The following CRPPA variants were observed in gnomAD, a reference collection of about 807,000 sequenced individuals.
CRPPA encodes CDP-L-ribitol pyrophosphorylase A.
Under a neutral mutation model 52.0 loss-of-function variants are expected in CRPPA, and 43 were observed. That is an observed-to-expected ratio of 0.83 (90% CI 0.65 to 1.07). CRPPA has a LOEUF of 1.07. Ranked by LOEUF, CRPPA falls within the 50% of genes least tolerant of loss-of-function variation. CRPPA has a pLI of 0.00. For missense variants in CRPPA, 629 were observed against 551.7 expected, an observed-to-expected ratio of 1.14 and a Z score of -1.40; for synonymous variants, 250 against 203.5, an observed-to-expected ratio of 1.23 and a Z score of -1.94.
At chr7:16,131,781 A>G (rs943906347) in intron 9 of CRPPA, among the ~76,000 whole-genome samples, 3 of 152,112 alleles carry the variant, frequency 2.0e-5, no homozygotes, top group Admixed American at 6.5e-5. Context: ...GAGTCTCACC[A>G]TGTTGCCCAG....
chr7:16,411,691 T>A (rs1375268692), intron 1 of CRPPA, among the ~76,000 whole-genome samples: 1 of 152,106 alleles, frequency 6.6e-6, no homozygotes, highest in Non-Finnish European at 1.5e-5. Context: ...TAATTAGGCA[T>A]AAAAACTGCT....
intron 8 of CRPPA, among the ~76,000 whole-genome samples, chr7:16,241,762 A>G (rs1783113389): frequency 6.6e-6 from 1 of 152,038 alleles, no homozygotes; most frequent in African/African-American, 2.4e-5. Flanking sequence ...GTGGGAAGGT[A>G]TTATTTGTGG....
At chr7:16,387,944 G>T (rs1365668039) in intron 2 of CRPPA, among the ~76,000 whole-genome samples, 2 of 152,152 alleles carry the variant, frequency 1.3e-5, no homozygotes, top group Admixed American at 6.6e-5. Flanking sequence ...TCTTAGAATA[G>T]AATAAAATTA....
chr7:16,311,109 A>C (rs535383013), intron 3 of CRPPA, among the ~76,000 whole-genome samples: 3 of 151,960 alleles, frequency 2.0e-5, no homozygotes, highest in African/African-American at 7.2e-5. Context: ...CATATACACG[A>C]CCTCTCCTAC....
chr7:16,260,304 C>G (rs993751365), intron 6 of CRPPA, among the ~76,000 whole-genome samples: 27 of 145,350 alleles, frequency 1.9e-4, no homozygotes, highest in African/African-American at 6.5e-4. Flanking sequence ...ATGGGGACAT[C>G]TCTCTCTCTC....
At chr7:16,210,834 CT>C (rs1204712156) in intron 9 of CRPPA, among the ~76,000 whole-genome samples, 1 of 151,182 alleles carries the variant, frequency 6.6e-6, no homozygotes, top group Non-Finnish European at 1.5e-5. Flanking sequence ...AAAGTAGCTT[CT>C]TTTATCCAGA....
intron 9 of CRPPA, among the ~76,000 whole-genome samples, chr7:16,150,664 A>T (rs1490985223): frequency 6.6e-6 from 1 of 152,240 alleles, no homozygotes; most frequent in Non-Finnish European, 1.5e-5. Context: ...ACCATCTGCT[A>T]TAAGAAAATA....
At chr7:16,420,588 A>G (rs1397579882) in intron 1 of CRPPA, among the ~76,000 whole-genome samples, 2 of 152,136 alleles carry the variant, frequency 1.3e-5, no homozygotes, top group East Asian at 1.9e-4. Flanking sequence ...TGCAGCACCT[A>G]GTAATTAGCG....
intron 9 of CRPPA, among the ~76,000 whole-genome samples, chr7:16,106,591 C>T (rs1782156445): frequency 6.6e-6 from 1 of 152,214 alleles, no homozygotes; most frequent in Admixed American, 6.5e-5. Context: ...GGGTTGTTAC[C>T]AGCTGGCCCT....
rs188395382 is a variant in CRPPA, at chr7:16,353,322, A to C, written c.684+22770T>G. On this transcript the variant is annotated intron_variant, in intron 3 of 9. Coordinates refer to ENST00000407010, the MANE Select transcript of CRPPA (RefSeq NM_001101426.4). ...AGCTATGACTGAGCCACTGTACTCC[A>C]GCCTGGGTGGCAGAGCAAAGCCCTG... Among the ~76,000 whole-genome samples, 778 of 152,270 alleles carry C rather than the reference A, an allele frequency of 5.1e-3. 6 individuals carry two copies. Among genetic ancestry groups the C allele is most frequent in the African/African-American group, 0.017 (713 of 41,548 alleles).
chr7:16,178,399 C>G (rs1442051967), intron 9 of CRPPA, among the ~76,000 whole-genome samples: 1 of 152,022 alleles, frequency 6.6e-6, no homozygotes, highest in East Asian at 1.9e-4. Context: ...CATAATGCTT[C>G]AGAATTTAAA....
intron 2 of CRPPA, among the ~76,000 whole-genome samples, chr7:16,405,058 G>A (rs1174224114): frequency 1.3e-5 from 2 of 151,900 alleles, no homozygotes; most frequent in African/African-American, 4.8e-5. Flanking sequence ...AATACACATG[G>A]GTTATTGAAG....
At chr7:16,332,178 C>T (rs1031653604) in intron 3 of CRPPA, among the ~76,000 whole-genome samples, 8 of 151,956 alleles carry the variant, frequency 5.3e-5, no homozygotes, top group Non-Finnish European at 8.8e-5. Context: ...TGGGAAGGGA[C>T]GAATACCTAC....
intron 6 of CRPPA, among the ~76,000 whole-genome samples, chr7:16,270,861 C>T (rs1178532045): frequency 6.6e-6 from 1 of 152,102 alleles, no homozygotes; most frequent in Non-Finnish European, 1.5e-5. Flanking sequence ...TTAATTTGCT[C>T]TGTTTATGTT....
At chr7:16,389,928 A>AAAAAAAAAAAAAAAAATATATAT in intron 2 of CRPPA, among the ~76,000 whole-genome samples, 2 of 29,756 alleles carry the variant, frequency 6.7e-5, no homozygotes, top group African/African-American at 1.7e-4. Flanking sequence ...AAAAAAAAAA[A>AAAAAAAAAAAAAAAAATATATAT]ATATATATAT....
In CRPPA at chr7:16,241,971, T is replaced by A. The variant is rs1295168; in HGVS notation, c.1119+16419A>T. On this transcript the variant is annotated intron_variant, in intron 8 of 9. Coordinates refer to ENST00000407010, the MANE Select transcript of CRPPA (RefSeq NM_001101426.4). The stretch of plus-strand genomic sequence containing the variant: ...CTTTTTTTTTTTTTTTTTTTTTTGT[T>A]GGGGGGAGATAGAGTCTCGCTCTGT... Among the ~76,000 whole-genome samples, 847 of 86,158 alleles carry A rather than the reference T, an allele frequency of 9.8e-3. 20 individuals are homozygous for A. Among genetic ancestry groups the A allele is most frequent in the African/African-American group, 0.03 (806 of 27,080 alleles). The allele number at this position is 86,158 out of a possible 152,430, so 56.5% of individuals were successfully genotyped here.
At chr7:16,219,856 T>A (rs1016175432) in intron 8 of CRPPA, among the ~76,000 whole-genome samples, 46 of 150,898 alleles carry the variant, frequency 3.0e-4, no homozygotes, top group Admixed American at 4.6e-4. Context: ...CCAAATTCTA[T>A]CAGAGGTACA....
chr7:16,125,422 A>C (rs575933130), intron 9 of CRPPA, among the ~76,000 whole-genome samples: 70 of 152,250 alleles, frequency 4.6e-4, no homozygotes, highest in African/African-American at 1.6e-3. Flanking sequence ...TTTATATAGC[A>C]TACAATTTAT....
intron 3 of CRPPA, among the ~76,000 whole-genome samples, chr7:16,332,225 G>C (rs1481679805): frequency 6.6e-6 from 1 of 152,152 alleles, no homozygotes; most frequent in Non-Finnish European, 1.5e-5. Context: ...CTTCAAAAGG[G>C]AAGGAGGAAT....
Sources: allele counts gnomAD v4.1 joint callset (sites outside exome capture counted in the v4.1 genomes callset), GRCh38; gene constraint gnomAD v4.1.1; transcripts MANE v1.5; gene names NCBI Gene and HGNC (gene_info 2026-07-23, HGNC 2026-07-21).